EFHD1: variants seen among roughly 807,000 people sequenced by gnomAD.
EFHD1 encodes EF-hand domain family member D1.
A neutral mutation model predicts 17.2 loss-of-function variants in EFHD1; 10 were observed. The ratio of observed to expected loss-of-function variants is 0.58; its 90% confidence interval spans 0.36 to 0.99. EFHD1 has a LOEUF of 0.99. Among genes scored for constraint, EFHD1 ranks in the 50% least tolerant of loss-of-function variants. The probability of loss-of-function intolerance (pLI) is 0.01; values close to 1 mark genes in which losing one functional copy is unlikely to be tolerated. For synonymous variants in EFHD1, 153 were observed against 142.0 expected (o/e 1.08, Z -0.55); for missense variants, 310 against 327.5 (o/e 0.95, Z 0.41).
intron 1 of EFHD1, 57 bp downstream of exon 1, chr2:232,634,063 T>C: frequency 4.4e-6 from 7 of 1,586,634 alleles, no homozygotes; most frequent in Non-Finnish European, 6.0e-6. Flanking sequence ...CGGGAGGGCT[T>C]TCTGGTCCGA....
chr2:232,618,745 A>T (rs960942190), intron 1 of EFHD1, among the ~76,000 whole-genome samples: 1 of 142,742 alleles, frequency 7.0e-6, no homozygotes, highest in Non-Finnish European at 1.6e-5. Flanking sequence ...AAATTTTGAA[A>T]AAAGGGAAAT....
chr2:232,643,279 C>T (rs1332082769), intron 1 of EFHD1, among the ~76,000 whole-genome samples: 2 of 152,112 alleles, frequency 1.3e-5, no homozygotes, highest in South Asian at 2.1e-4. Flanking sequence ...CCAGCCCATC[C>T]GGGGTAGTTT....
At chr2:232,652,633 G>A (rs1395527927) in intron 1 of EFHD1, among the ~76,000 whole-genome samples, 1 of 152,156 alleles carries the variant, frequency 6.6e-6, no homozygotes, top group Non-Finnish European at 1.5e-5. Context: ...ATTCTTCACA[G>A]GACTGTTGTG....
chr2:232,681,179 A>AT (rs1695275603), intron 3 of EFHD1, among the ~76,000 whole-genome samples: 7 of 152,106 alleles, frequency 4.6e-5, no homozygotes, highest in African/African-American at 1.4e-4. Context: ...AAATAAATAA[A>AT]AAATAAAAAA....
chr2:232,632,849 C>T (rs1428041727), upstream of EFHD1, among the ~76,000 whole-genome samples: 1 of 152,232 alleles, frequency 6.6e-6, no homozygotes, highest in Admixed American at 6.5e-5. Flanking sequence ...TGGTCTCGAA[C>T]TCCTGGGCTC....
intron 1 of EFHD1, among the ~76,000 whole-genome samples, chr2:232,617,652 C>CA (rs1192954692): frequency 0.37 from 36,893 of 98,952 alleles, 6,574 homozygotes; most frequent in Middle Eastern, 0.53. Context: ...GACTCCGTCT[C>CA]AAAAAAAAAA....
intron 1 of EFHD1, among the ~76,000 whole-genome samples, chr2:232,608,583 C>T (rs1693760168): frequency 6.6e-6 from 1 of 152,060 alleles, no homozygotes; most frequent in Admixed American, 6.6e-5. Context: ...GCCAATTGTA[C>T]TTGGGAAAAA....
At chr2:232,681,180 A>T (rs147624275) in intron 3 of EFHD1, among the ~76,000 whole-genome samples, 6,789 of 152,154 alleles carry the variant, frequency 0.045, 426 homozygotes, top group African/African-American at 0.15. Flanking sequence ...AATAAATAAA[A>T]AATAAAAAAA....
chr2:232,659,732 A>T (rs898481020), intron 1 of EFHD1, among the ~76,000 whole-genome samples: 5 of 149,478 alleles, frequency 3.3e-5, no homozygotes, highest in African/African-American at 1.2e-4. Flanking sequence ...ATAAAGAAAA[A>T]CCTGAGACTA....
intron 2 of EFHD1, among the ~76,000 whole-genome samples, chr2:232,669,603 T>G (rs1421749077): frequency 3.5e-5 from 2 of 56,466 alleles, no homozygotes; most frequent in Admixed American, 2.3e-4. Flanking sequence ...TTGAGAAGGC[T>G]TTTTTTTTTT....
upstream of EFHD1, among the ~76,000 whole-genome samples, chr2:232,633,035 T>C (rs531017211): frequency 6.6e-6 from 1 of 152,384 alleles, no homozygotes; most frequent in Admixed American, 6.5e-5. Context: ...CTCTCTCTTT[T>C]TTGTTTGCTT....
At chr2:232,667,655 C>T (rs750341832) in intron 2 of EFHD1, among the ~76,000 whole-genome samples, 13 of 152,106 alleles carry the variant, frequency 8.5e-5, no homozygotes, top group Non-Finnish European at 7.4e-5. Flanking sequence ...CGGGTTCAAA[C>T]GATTCTCCTG....
intron 2 of EFHD1, among the ~76,000 whole-genome samples, chr2:232,671,275 T>TA (rs869127791): frequency 0.012 from 1,586 of 132,234 alleles, 21 homozygotes; most frequent in African/African-American, 0.035. Flanking sequence ...CTCTACAAAT[T>TA]AAAAAAAAAA....
chr2:232,623,676 A>T (rs1208818928), intron 1 of EFHD1, among the ~76,000 whole-genome samples: 2 of 100,896 alleles, frequency 2.0e-5, no homozygotes, highest in Non-Finnish European at 4.1e-5. Context: ...CTCTGTCCAA[A>T]AAAAAAAAAA....
chr2:232,620,244 C>T lies in EFHD1; in HGVS notation c.14+14071C>T, dbSNP rs564988721. Among the ~76,000 whole-genome samples the T allele has an allele frequency of 4.3e-4, 65 of 151,706 alleles. 1 individual carries two copies. The South Asian group carries it at 6.9e-3, about 16-fold the overall frequency. ...TCTACTAAAAATACAAAAAATTAGC[C>T]GGGCGCGGTGGCAGGCACCTGTAGT... On this transcript the variant is annotated intron_variant, in intron 1 of 3. Coordinates refer to the EFHD1 transcript ENST00000409613.
At chr2:232,661,889 A>G (rs895228382) in intron 1 of EFHD1, 1 of 151,868 alleles carries the variant, frequency 6.6e-6, no homozygotes, top group Non-Finnish European at 1.5e-5. Flanking sequence ...TTCTCCTTTC[A>G]TCTGTCCGCA....
intron 1 of EFHD1, among the ~76,000 whole-genome samples, chr2:232,617,576 C>A (rs961146354): frequency 3.3e-5 from 5 of 150,980 alleles, no homozygotes; most frequent in African/African-American, 7.3e-5. Flanking sequence ...ATGGCGTGAA[C>A]CCAGGAGGCG....
intron 1 of EFHD1, among the ~76,000 whole-genome samples, chr2:232,635,532 AG>A (rs1694302721): frequency 1.3e-5 from 2 of 152,270 alleles, no homozygotes; most frequent in South Asian, 4.1e-4. Flanking sequence ...GATCACGCAA[AG>A]GGGAGCCGGG....
intron 3 of EFHD1, among the ~76,000 whole-genome samples, chr2:232,674,339 G>A (rs922596707): frequency 2.0e-5 from 3 of 152,224 alleles, no homozygotes; most frequent in African/African-American, 7.2e-5. Flanking sequence ...TGCACACTCT[G>A]CAGCTGTCAA....
Sources: allele counts gnomAD v4.1 joint callset (sites outside exome capture counted in the v4.1 genomes callset), GRCh38; gene constraint gnomAD v4.1.1; transcripts MANE v1.5; gene names NCBI Gene and HGNC (gene_info 2026-07-23, HGNC 2026-07-21).